ADAMTS6: variants seen among roughly 807,000 people sequenced by gnomAD.
ADAMTS6 encodes ADAM metallopeptidase with thrombospondin type 1 motif 6.
ADAMTS6 carries 23 observed loss-of-function variants against 144.3 expected under a neutral mutation model. The observed-to-expected ratio is 0.16, with a 90% confidence interval of 0.11 to 0.23. The LOEUF (loss-of-function observed/expected upper bound fraction) is 0.23. ADAMTS6 is among the 10% of genes least tolerant of loss of function. The pLI, the probability that ADAMTS6 is intolerant of heterozygous loss-of-function variation, is 1.00. For synonymous variants in ADAMTS6, 444 were observed against 457.5 expected, an observed-to-expected ratio of 0.97 and a Z score of 0.38; for missense variants, 999 against 1,379.6, an observed-to-expected ratio of 0.72 and a Z score of 4.37.
rs757880242 is a variant in ADAMTS6 at position 65,226,207 on chromosome 5, G to T, written c.1946C>A (p.Pro649His). ...TTCAGCCAAGCAGTTTAATGCACAAGGTTTTACCCCACCTGGACAAATACA... is the reference window on the plus strand; with the variant it reads ...TTCAGCCAAGCAGTTTAATGCACAATGTTTTACCCCACCTGGACAAATACA... ...WKPYTGGGVK[P>H]CALNCLAEGY... The change falls in exon 16 of 25, where the codon CCT (proline) becomes CAT (histidine). Residue 649 changes from proline (P) to histidine (H), a missense_variant. Pro to His is a moderately conservative substitution (Grantham distance 77, BLOSUM62 -2). Transcript: ENST00000381055. The T allele has an allele frequency of 1.2e-6, 2 of 1,613,324 alleles. No homozygotes were observed. Among genetic ancestry groups the T allele is most frequent in the Non-Finnish European group, 1.7e-6 (2 of 1,179,614 alleles).
At chr5:65,415,797 C>T (rs971261153) in intron 7 of ADAMTS6, 4 of 257,620 alleles carry the variant, frequency 1.6e-5, no homozygotes, top group Admixed American at 4.9e-5. Flanking sequence ...CTGCCATACA[C>T]GAGGCCATCA....
At chr5:65,457,127 T>C (rs1388149634) in intron 4 of ADAMTS6, among the ~76,000 whole-genome samples, 1 of 152,200 alleles carries the variant, frequency 6.6e-6, no homozygotes, top group Non-Finnish European at 1.5e-5. Flanking sequence ...CCAGTAACAC[T>C]TGCCCAGAAC....
chr5:65,396,404 G>A (rs1381548495), intron 7 of ADAMTS6, among the ~76,000 whole-genome samples: 1 of 152,120 alleles, frequency 6.6e-6, no homozygotes, highest in African/African-American at 2.4e-5. Flanking sequence ...CGATAAGAAA[G>A]AAAACAACAC....
chr5:65,460,624 T>C (rs1380029810), intron 3 of ADAMTS6, among the ~76,000 whole-genome samples: 1 of 152,230 alleles, frequency 6.6e-6, no homozygotes, highest in East Asian at 1.9e-4. Context: ...ACAGATTTTA[T>C]GTGAACACTA....
chr5:65,418,004 T>C (rs1755684028), intron 7 of ADAMTS6, among the ~76,000 whole-genome samples: 1 of 152,136 alleles, frequency 6.6e-6, no homozygotes, highest in African/African-American at 2.4e-5. Flanking sequence ...CCAAACAGTA[T>C]GGTACTGGTA....
At chr5:65,369,559 C>A (rs566981299) in intron 7 of ADAMTS6, among the ~76,000 whole-genome samples, 118 of 151,102 alleles carry the variant, frequency 7.8e-4, no homozygotes, top group Admixed American at 1.8e-3. Flanking sequence ...ACAGTAGAAT[C>A]TTAATACAGC....
chr5:65,408,642 A>C (rs1347137214), intron 7 of ADAMTS6, among the ~76,000 whole-genome samples: 1 of 152,220 alleles, frequency 6.6e-6, no homozygotes, highest in Non-Finnish European at 1.5e-5. Context: ...CTCTGCACCA[A>C]GCAGACCTAA....
chr5:65,327,938 T>A (rs1462635184), intron 9 of ADAMTS6, among the ~76,000 whole-genome samples: 1 of 152,190 alleles, frequency 6.6e-6, no homozygotes, highest in East Asian at 1.9e-4. Flanking sequence ...TAAATTCAGT[T>A]TGATTGCATA....
intron 9 of ADAMTS6, among the ~76,000 whole-genome samples, chr5:65,315,835 G>A (rs1211984544): frequency 6.6e-6 from 1 of 152,154 alleles, no homozygotes; most frequent in Non-Finnish European, 1.5e-5. Flanking sequence ...TAACAACCAA[G>A]TGTAAAACAA....
chr5:65,433,566 G>C (rs1336003227), intron 7 of ADAMTS6, among the ~76,000 whole-genome samples: 3 of 152,006 alleles, frequency 2.0e-5, no homozygotes, highest in Admixed American at 2.0e-4. Context: ...TGTAATACAA[G>C]AAATACAATC....
At chr5:65,215,277 AG>A (rs1184157715) in intron 19 of ADAMTS6, 46 bp downstream of exon 19, 5 of 1,590,850 alleles carry the variant, frequency 3.1e-6, no homozygotes, top group South Asian at 2.3e-5. Context: ...CTACCTCACA[AG>A]GGGGAATTAA....
At chr5:65,161,278 T>A (rs1357052457) in intron 24 of ADAMTS6, among the ~76,000 whole-genome samples, 1 of 151,648 alleles carries the variant, frequency 6.6e-6, no homozygotes, top group East Asian at 1.9e-4. Context: ...GCTCAAGCAA[T>A]CCTCTCCCCT....
rs1168969189 is a variant in ADAMTS6 at position 65,452,887 on chromosome 5, C to T, written c.663G>A (p.Leu221=). ...AATAAGAAACAGTGGATGTGTCATT[C>T]AGCCACCAAGGTTTGCCACTTCTTG... ...DFTRSGKPWW[L]NDTSTVSYSL... Residue 221 remains leucine, a synonymous_variant, in exon 5 of 25, where the codon CTG becomes CTA. Transcript: ENST00000381055. 1 of 1,613,734 alleles carries T rather than the reference C, an allele frequency of 6.2e-7. No individual in the cohort carries two copies. Among genetic ancestry groups the T allele is most frequent in the East Asian group, 2.2e-5 (1 of 44,844 alleles).
intron 10 of ADAMTS6, among the ~76,000 whole-genome samples, chr5:65,296,657 C>T (rs1371130169): frequency 6.6e-6 from 1 of 152,102 alleles, no homozygotes; most frequent in Admixed American, 6.6e-5. Flanking sequence ...GTGCTTTGGT[C>T]ATCTTGCTCA....
At chr5:65,238,069 G>C (rs936680379) in intron 15 of ADAMTS6, among the ~76,000 whole-genome samples, 1 of 151,110 alleles carries the variant, frequency 6.6e-6, no homozygotes, top group Non-Finnish European at 1.5e-5. Context: ...CTTGGCAACA[G>C]AGCAAGACTC....
chr5:65,210,141 G>C (rs1377906397), intron 20 of ADAMTS6: 1 of 217,536 alleles, frequency 4.6e-6, no homozygotes, highest in Non-Finnish European at 9.7e-6. Context: ...CTTTTCAATA[G>C]GTTTGGCATG....
chr5:65,187,531 A>G (rs1309165064), intron 22 of ADAMTS6, among the ~76,000 whole-genome samples: 3 of 152,196 alleles, frequency 2.0e-5, no homozygotes. Context: ...AACAATTCAT[A>G]CCTAAGAGTT....
Position 65,471,066 on chromosome 5 carries a change from G to A in ADAMTS6, c.174C>T (p.Ser58=), listed in dbSNP as rs768782766. Residue 58 remains serine, a synonymous_variant, in exon 3 of 25, where the codon AGC becomes AGT. Transcript: ENST00000381055. ...IRVDQNGAFL[S]FTVKNDKHSR... ...AGTGTTTATCATTTTTCACAGTAAA[G>A]CTGAGAAATGCTCCATTTTGATCAA... is the stretch of plus-strand genomic sequence containing the variant. 1.2e-6 allele frequency: 2 copies of A among 1,610,954 alleles called. No individual in the cohort carries two copies. Among genetic ancestry groups the A allele is most frequent in the Non-Finnish European group, 1.7e-6 (2 of 1,178,910 alleles).
intron 24 of ADAMTS6, among the ~76,000 whole-genome samples, chr5:65,164,325 G>C (rs1205836788): frequency 5.3e-5 from 8 of 152,174 alleles, no homozygotes. Flanking sequence ...TTTCAGACCG[G>C]CTTAAAAAAC....
Sources: allele counts gnomAD v4.1 joint callset (sites outside exome capture counted in the v4.1 genomes callset), GRCh38; gene constraint gnomAD v4.1.1; transcripts MANE v1.5; gene names NCBI Gene and HGNC (gene_info 2026-07-23, HGNC 2026-07-21).